EMP2: variants seen among roughly 807,000 people sequenced by gnomAD.
EMP2 encodes epithelial membrane protein 2.
In EMP2, 19 loss-of-function variants were observed where a neutral mutation model predicts 13.7. That is an observed-to-expected ratio of 1.38 (90% CI 0.97 to 2.03). The LOEUF is 2.03. Among genes scored for constraint, EMP2 ranks in the 30% most tolerant of loss-of-function variants. EMP2 has a pLI of 0.00. For missense variants in EMP2, 253 were observed against 220.7 expected, an observed-to-expected ratio of 1.15 and a Z score of -0.93; for synonymous variants, 97 against 84.7, an observed-to-expected ratio of 1.15 and a Z score of -0.80.
intron 1 of EMP2, among the ~76,000 whole-genome samples, chr16:10,554,515 C>A (rs1567206105): frequency 1.3e-5 from 2 of 152,130 alleles, no homozygotes; most frequent in Non-Finnish European, 2.9e-5. Flanking sequence ...TTGCATCCTG[C>A]CCTCTCTGAT....
rs750710217 is a variant in EMP2 at position 10,529,041 on chromosome 16, A to G, written c.*3864T>C. The G allele has an allele frequency of 6.6e-6, 1 of 152,312 alleles. No homozygotes were observed. The highest frequency in any genetic ancestry group is 1.9e-4 in the East Asian group (1 of 5,190). 9.4% of individuals were successfully genotyped at this position (152,312 alleles called of 1,614,324 possible). A position where few individuals can be genotyped will look rare whatever the true frequency, so the allele number is the denominator to read the frequency against. The stretch of plus-strand genomic sequence containing the variant: ...CAGGTATATATATATACACATTCAC[A>G]CAGACCAACAAGTCAAGCATTCTCC... On this transcript the variant is annotated 3_prime_UTR_variant, in exon 5 of 5. Coordinates refer to ENST00000359543, the MANE Select transcript of EMP2 (RefSeq NM_001424.6).
At chr16:10,554,478 G>C (rs1179502278) in intron 1 of EMP2, among the ~76,000 whole-genome samples, 2 of 152,084 alleles carry the variant, frequency 1.3e-5, no homozygotes, top group Non-Finnish European at 2.9e-5. Flanking sequence ...AAGTGGTGCT[G>C]TCTCCTTGCC....
Position 10,568,931 on chromosome 16 carries a change from C to T in EMP2, c.-61+11618G>A, listed in dbSNP as rs551569184. On this transcript the variant is annotated intron_variant, in intron 1 of 4. Transcript: ENST00000359543. ...CCTCCTGAGTAGCTGGGATTACATGCGCCTGCCACCACGCCAGGCTAATTT... is the reference window on the plus strand; with the variant it reads ...CCTCCTGAGTAGCTGGGATTACATGTGCCTGCCACCACGCCAGGCTAATTT... 6.6e-5 allele frequency among the ~76,000 whole-genome samples: 10 copies of T among 151,946 alleles called. No individual in the cohort carries two copies. In the South Asian group the frequency reaches 8.3e-4, roughly 13 times the overall value.
chr16:10,574,552 T>C (rs2050969429), intron 1 of EMP2, among the ~76,000 whole-genome samples: 1 of 150,636 alleles, frequency 6.6e-6, no homozygotes, highest in African/African-American at 2.5e-5. Flanking sequence ...CCTTTTCTTT[T>C]TAAAAATTAT....
chr16:10,536,700 C>T (rs748369368), intron 4 of EMP2, among the ~76,000 whole-genome samples: 2 of 152,210 alleles, frequency 1.3e-5, no homozygotes, highest in Non-Finnish European at 2.9e-5. Context: ...CAGCTCACTG[C>T]AGCCTTTACC....
intron 1 of EMP2, among the ~76,000 whole-genome samples, chr16:10,558,683 T>C (rs2050850293): frequency 6.6e-6 from 1 of 152,124 alleles, no homozygotes. Flanking sequence ...GGTCCACTGC[T>C]GTCCTCTTCT....
At position 10,580,306 on chromosome 16, in the gene EMP2, C is replaced by T. The variant is rs993556018; in HGVS notation, c.-61+243G>A. 5.3e-5 allele frequency among the ~76,000 whole-genome samples: 8 copies of T among 152,196 alleles called. No individual in the cohort carries two copies. Among genetic ancestry groups the T allele is most frequent in the Admixed American group, 2.6e-4 (4 of 15,282 alleles). On this transcript the variant is annotated intron_variant, in intron 1 of 4. Coordinates refer to ENST00000359543, the MANE Select transcript of EMP2 (RefSeq NM_001424.6). The surrounding 1 kb of genome is among the most constrained non-coding windows in gnomAD (Gnocchi z 4.3). ...CTCCCCAAACTTTTCCCGCCTGCTT[C>T]GGCTCAAAAGGCGTGGGAAGCTGTC...
At chr16:10,538,197 G>A (rs556195238) in intron 3 of EMP2, 123 bp from the exon 4 acceptor site, 27 of 1,213,528 alleles carry the variant, frequency 2.2e-5, no homozygotes, top group Middle Eastern at 2.9e-4. Context: ...GGGTTCAGGC[G>A]GTCGTCTACA....
At chr16:10,575,913 CT>C (rs1462279085) in intron 1 of EMP2, among the ~76,000 whole-genome samples, 1 of 151,968 alleles carries the variant, frequency 6.6e-6, no homozygotes, top group African/African-American at 2.4e-5. Context: ...AGGGCTTGGT[CT>C]GGAAGCTCTC....
At chr16:10,534,283 C>CGTTGGTTG (rs1157724846) in intron 4 of EMP2, among the ~76,000 whole-genome samples, 5 of 152,178 alleles carry the variant, frequency 3.3e-5, no homozygotes, top group Non-Finnish European at 1.5e-5. Context: ...TCAACACCAA[C>CGTTGGTTG]ACTAAAGATG....
At position 10,532,530 on chromosome 16, in the gene EMP2, G is replaced by A. The variant is rs1432705255; in HGVS notation, c.*375C>T. On this transcript the variant is annotated 3_prime_UTR_variant, in exon 5 of 5. Transcript: ENST00000359543. ...GCCAGCTGAAACCCATAGGAAGCAC[G>A]TCCCCAGAGACCCGGCTTTCCCAGC... The A allele has an allele frequency of 3.9e-5, 6 of 153,710 alleles. No homozygotes were observed. The highest frequency in any genetic ancestry group is 6.5e-5 in the Admixed American group (1 of 15,312). The allele number at this position is 153,710 out of a possible 1,614,324, so 9.5% of individuals were successfully genotyped here.
At chr16:10,571,358 G>A (rs1256631923) in intron 1 of EMP2, among the ~76,000 whole-genome samples, 1 of 151,606 alleles carries the variant, frequency 6.6e-6, no homozygotes, top group African/African-American at 2.4e-5. Context: ...CCAGAGAAGG[G>A]GTTAGACCAG....
Position 10,542,441 on chromosome 16 carries a change from T to TCC in EMP2, c.169+1127_169+1128dup, listed in dbSNP as rs60218184. ...AAACAAAAACCAAAAAACTAAACCC[T>TCC]CCCCCCCCACCAACAAAACCAAATA... On this transcript the variant is annotated intron_variant, in intron 3 of 4. Coordinates refer to ENST00000359543, the MANE Select transcript of EMP2 (RefSeq NM_001424.6). Among the ~76,000 whole-genome samples, 415 of 111,632 alleles carry TCC rather than the reference T, an allele frequency of 3.7e-3. 5 individuals are homozygous for TCC. The highest frequency in any genetic ancestry group is 0.012 in the African/African-American group (377 of 30,510). 73.2% of individuals were successfully genotyped at this position (111,632 alleles called of 152,430 possible). A position where few individuals can be genotyped will look rare whatever the true frequency, so the allele number is the denominator to read the frequency against.
chr16:10,536,310 G>C (rs1442246306), intron 4 of EMP2, among the ~76,000 whole-genome samples: 2 of 151,936 alleles, frequency 1.3e-5, no homozygotes, highest in Non-Finnish European at 2.9e-5. Flanking sequence ...CCTCGGGCTG[G>C]AGTACAGTGG....
chr16:10,553,492 C>T (rs2050804428), intron 1 of EMP2, among the ~76,000 whole-genome samples: 1 of 152,204 alleles, frequency 6.6e-6, no homozygotes, highest in Non-Finnish European at 1.5e-5. Flanking sequence ...CTTCCCGGCA[C>T]CTTCTCCTGG....
At chr16:10,571,669 C>T (rs931063178) in intron 1 of EMP2, among the ~76,000 whole-genome samples, 1 of 152,208 alleles carries the variant, frequency 6.6e-6, no homozygotes. Context: ...AAACGGACTG[C>T]AAGGCCATAG....
chr16:10,546,011 C>G (rs536037408), intron 2 of EMP2: 3 of 152,370 alleles, frequency 2.0e-5, no homozygotes, highest in Admixed American at 1.3e-4. Context: ...CTGCTGCTTA[C>G]TGCACTGTAA....
chr16:10,567,717 C>G (rs1049091485), intron 1 of EMP2, among the ~76,000 whole-genome samples: 1 of 152,166 alleles, frequency 6.6e-6, no homozygotes, highest in East Asian at 1.9e-4. Context: ...AGAGGACTGC[C>G]AGGGCCGTAA....
chr16:10,571,181 A>G (rs976859351), intron 1 of EMP2, among the ~76,000 whole-genome samples: 2 of 141,418 alleles, frequency 1.4e-5, no homozygotes, highest in Admixed American at 7.7e-5. Flanking sequence ...CGCTTGAACC[A>G]GGGAGTCGGC....
Sources: gnomAD v4.1 joint callset for allele counts (sites outside exome capture counted in the v4.1 genomes callset) on GRCh38, gnomAD v4.1.1 for gene constraint, Gnocchi (gnomAD v3.1) non-coding constraint, MANE v1.5 for transcripts, NCBI Gene and HGNC (gene_info 2026-07-23, HGNC 2026-07-21) for gene names.